WASL: variants seen among roughly 807,000 people sequenced by gnomAD.
WASL encodes actin nucleation-promoting factor WASL.
A neutral mutation model predicts 55.5 loss-of-function variants in WASL; 20 were observed. The ratio of observed to expected loss-of-function variants is 0.36; its 90% CI spans 0.25 to 0.52. WASL has a LOEUF of 0.52. Ranked by LOEUF, WASL falls within the 20% of genes least tolerant of loss-of-function variation. The probability of loss-of-function intolerance (pLI) is 0.92; values close to 1 mark genes in which losing one functional copy is unlikely to be tolerated. For synonymous variants in WASL, 249 were observed against 217.6 expected (o/e 1.14, Z -1.27); for missense variants, 504 against 622.5 (o/e 0.81, Z 2.03).
At position 123,691,340 on chromosome 7, in the gene WASL, T is replaced by C. The variant is rs148233844; in HGVS notation, c.1347+1007A>G. ...AATGTAGACAGGTTAGGTTCTAGGA[T>C]AGGAGTCAGCAAACTTGAGCCCATG... On this transcript the variant is annotated intron_variant, in intron 9 of 10. Coordinates refer to ENST00000223023, the MANE Select transcript of WASL (RefSeq NM_003941.4). 6.3e-3 allele frequency among the ~76,000 whole-genome samples: 961 copies of C among 152,270 alleles called. 9 individuals are homozygous for C. The highest frequency in any genetic ancestry group is 0.021 in the African/African-American group (890 of 41,554).
intron 10 of WASL, among the ~76,000 whole-genome samples, chr7:123,688,729 T>C (rs923594557): frequency 2.0e-5 from 3 of 152,206 alleles, no homozygotes; most frequent in East Asian, 3.9e-4. Flanking sequence ...TGTTTAGAGG[T>C]TGTTTGCTAG....
Position 123,682,743 on chromosome 7 carries a change from T to C in WASL, c.*1776A>G, listed in dbSNP as rs952014739. 2.6e-5 allele frequency: 4 copies of C among 152,286 alleles called. No homozygotes were observed. In the South Asian group the frequency reaches 8.3e-4, roughly 32 times the overall value. 9.4% of individuals were successfully genotyped at this position (152,286 alleles called of 1,614,324 possible). ...AACTCCTGATTTTATTGGTTAGTAG[T>C]TGTCCAGCCTCATCTGCACCAGATT... On this transcript the variant is annotated 3_prime_UTR_variant, in exon 11 of 11. Coordinates refer to ENST00000223023, the MANE Select transcript of WASL (RefSeq NM_003941.4).
intron 1 of WASL, among the ~76,000 whole-genome samples, chr7:123,726,317 A>G (rs1421583550): frequency 6.6e-6 from 1 of 152,174 alleles, no homozygotes; most frequent in Non-Finnish European, 1.5e-5. Context: ...ATGAAACTGT[A>G]AAGAAAAAAT....
At chr7:123,729,302 C>T (rs1369548684) in intron 1 of WASL, among the ~76,000 whole-genome samples, 1 of 152,092 alleles carries the variant, frequency 6.6e-6, no homozygotes, top group African/African-American at 2.4e-5. Context: ...GTATTTCACA[C>T]TTACTCAACA....
At chr7:123,700,935 C>G (rs1803579393) in intron 5 of WASL, among the ~76,000 whole-genome samples, 1 of 152,154 alleles carries the variant, frequency 6.6e-6, no homozygotes, top group Non-Finnish European at 1.5e-5. Flanking sequence ...TCTATACATT[C>G]AAGAGGTTAG....
chr7:123,714,165 C>G (rs1385094267), intron 1 of WASL, among the ~76,000 whole-genome samples: 1 of 152,120 alleles, frequency 6.6e-6, no homozygotes, highest in African/African-American at 2.4e-5. Flanking sequence ...TACCTGCCCA[C>G]CTCAAAACCC....
At chr7:123,693,820 G>A (rs1337036006) in intron 8 of WASL, among the ~76,000 whole-genome samples, 1 of 152,126 alleles carries the variant, frequency 6.6e-6, no homozygotes, top group Non-Finnish European at 1.5e-5. Flanking sequence ...ATAAAAATTA[G>A]CAGGGTGTAG....
At chr7:123,717,912 CTTTA>C (rs757463925) in intron 1 of WASL, among the ~76,000 whole-genome samples, 4 of 152,144 alleles carry the variant, frequency 2.6e-5, no homozygotes, top group African/African-American at 4.8e-5. Flanking sequence ...CTGCAAAAAA[CTTTA>C]TTTATAAAAA....
chr7:123,716,220 A>G (rs1803838491), intron 1 of WASL, among the ~76,000 whole-genome samples: 1 of 151,896 alleles, frequency 6.6e-6, no homozygotes, highest in South Asian at 2.1e-4. Flanking sequence ...TTTTATTTTT[A>G]TTTATTTATT....
chr7:123,745,535 T>G (rs571779845), intron 1 of WASL, among the ~76,000 whole-genome samples: 1 of 152,264 alleles, frequency 6.6e-6, no homozygotes, highest in South Asian at 2.1e-4. Flanking sequence ...AAGAAAAATC[T>G]ATTAAGATTT....
At chr7:123,700,206 A>C (rs1333413996) in intron 5 of WASL, among the ~76,000 whole-genome samples, 44 of 60,648 alleles carry the variant, frequency 7.3e-4, no homozygotes, top group Non-Finnish European at 1.1e-3. Flanking sequence ...AAAAAAAAAA[A>C]ACAACATTAT....
In WASL at chr7:123,731,524, G is replaced by A. The variant is rs76616535; in HGVS notation, c.117+17094C>T. ...ATACACATTCTTCTCAAACACATAT[G>A]GAACGATCACCAAGAGAGACCACAT... On this transcript the variant is annotated intron_variant, in intron 1 of 10. Transcript: ENST00000223023. 3.0e-3 allele frequency among the ~76,000 whole-genome samples: 450 copies of A among 152,098 alleles called. 13 individuals carry two copies. In the East Asian group the frequency reaches 0.059, roughly 20 times the overall value.
At chr7:123,695,351 A>G (rs763938054) in intron 7 of WASL, among the ~76,000 whole-genome samples, 8 of 152,156 alleles carry the variant, frequency 5.3e-5, no homozygotes. Context: ...CACAAATAAT[A>G]TCTCTTTAAA....
At chr7:123,739,501 GTT>G (rs1476215418) in intron 1 of WASL, among the ~76,000 whole-genome samples, 28 of 151,982 alleles carry the variant, frequency 1.8e-4, no homozygotes, top group African/African-American at 6.3e-4. Context: ...CAACCATTTA[GTT>G]TTGTACTTTC....
intron 1 of WASL, among the ~76,000 whole-genome samples, chr7:123,731,986 C>T (rs1285065668): frequency 6.6e-6 from 1 of 152,004 alleles, no homozygotes; most frequent in Non-Finnish European, 1.5e-5. Context: ...AGCTTCTAAC[C>T]AGCTTAACCA....
intron 2 of WASL, among the ~76,000 whole-genome samples, chr7:123,708,024 G>A (rs938617253): frequency 6.6e-6 from 1 of 151,950 alleles, no homozygotes; most frequent in African/African-American, 2.4e-5. Flanking sequence ...ATCTCTATAA[G>A]AAAATACAAA....
intron 1 of WASL, among the ~76,000 whole-genome samples, chr7:123,737,564 C>G (rs946502711): frequency 2.9e-5 from 4 of 136,932 alleles, no homozygotes; most frequent in Non-Finnish European, 6.1e-5. Context: ...CACTGTACTC[C>G]AGTCTGGGTG....
At chr7:123,716,974 A>C (rs567403986) in intron 1 of WASL, among the ~76,000 whole-genome samples, 2 of 152,236 alleles carry the variant, frequency 1.3e-5, no homozygotes, top group East Asian at 3.9e-4. Flanking sequence ...CTCAACATAC[A>C]CTACATAATC....
chr7:123,709,856 G>C (rs1803728713), intron 1 of WASL, among the ~76,000 whole-genome samples: 1 of 152,154 alleles, frequency 6.6e-6, no homozygotes, highest in African/African-American at 2.4e-5. Flanking sequence ...TAAGTGATTT[G>C]CACAAGTGGC....
Sources: allele counts gnomAD v4.1 joint callset (sites outside exome capture counted in the v4.1 genomes callset), GRCh38; gene constraint gnomAD v4.1.1; transcripts MANE v1.5; gene names NCBI Gene and HGNC (gene_info 2026-07-23, HGNC 2026-07-21).